The following LRRIQ1 variants were observed in gnomAD, a reference collection of about 807,000 sequenced individuals.
LRRIQ1 encodes leucine-rich repeat- and IQ domain-containing protein 1.
In LRRIQ1, 210 loss-of-function variants were observed where a neutral mutation model predicts 211.9. The observed-to-expected ratio is 0.99, with a 90% CI of 0.89 to 1.11. LRRIQ1 has a LOEUF of 1.11. Among genes scored for constraint, LRRIQ1 ranks in the 50% most tolerant of loss-of-function variants. The pLI is 0.00. For missense variants in LRRIQ1, 2,136 were observed against 1,939.5 expected (o/e 1.10, Z -1.90); for synonymous variants, 699 against 650.1 (o/e 1.08, Z -1.14).
downstream of LRRIQ1, among the ~76,000 whole-genome samples, chr12:85,267,795 ATG>A (rs1896454689): frequency 6.6e-6 from 1 of 152,084 alleles, no homozygotes; most frequent in South Asian, 2.1e-4. Flanking sequence ...TGTGAGACAT[ATG>A]GAAGAAAGTT....
At chr12:85,042,551 AAATTT>A (rs1014375434) in intron 3 of LRRIQ1, among the ~76,000 whole-genome samples, 4 of 149,296 alleles carry the variant, frequency 2.7e-5, no homozygotes, top group Admixed American at 2.0e-4. Flanking sequence ...GAATTTATTG[AAATTT>A]AATTTAAATT....
intron 24 of LRRIQ1, among the ~76,000 whole-genome samples, chr12:85,192,573 A>T (rs12811786): frequency 2.0e-5 from 2 of 97,634 alleles, no homozygotes; most frequent in Non-Finnish European, 3.8e-5. Flanking sequence ...ATTATATATA[A>T]ATATATAGTT....
At chr12:85,202,981 T>C (rs1893371972) in intron 24 of LRRIQ1, among the ~76,000 whole-genome samples, 1 of 152,114 alleles carries the variant, frequency 6.6e-6, no homozygotes, top group Non-Finnish European at 1.5e-5. Context: ...GTTCTGGTGG[T>C]AGGAATTTGA....
chr12:85,191,282 A>G (rs969631893), intron 24 of LRRIQ1, among the ~76,000 whole-genome samples: 1 of 151,928 alleles, frequency 6.6e-6, no homozygotes, highest in Non-Finnish European at 1.5e-5. Context: ...CATACAAAAT[A>G]GTTTCTCTGT....
At chr12:85,142,940 A>G (rs1397107630) in intron 19 of LRRIQ1, among the ~76,000 whole-genome samples, 1 of 151,546 alleles carries the variant, frequency 6.6e-6, no homozygotes, top group Admixed American at 6.6e-5. Context: ...TATCTCTTCA[A>G]CATACTGATT....
intron 24 of LRRIQ1, among the ~76,000 whole-genome samples, chr12:85,197,634 C>T (rs1231152258): frequency 1.3e-5 from 2 of 151,220 alleles, no homozygotes; most frequent in African/African-American, 2.4e-5. Flanking sequence ...ACAATGAGAT[C>T]ACATGGACAC....
chr12:85,193,190 A>G (rs1361010846), intron 24 of LRRIQ1, among the ~76,000 whole-genome samples: 1 of 130,328 alleles, frequency 7.7e-6, no homozygotes, highest in African/African-American at 2.9e-5. Flanking sequence ...CCAAATCTAC[A>G]TCTGATTGGT....
In LRRIQ1 at chr12:85,124,121, A is replaced by T; in HGVS notation, c.3609A>T (p.Lys1203Asn). 4 of 1,614,062 alleles carry T rather than the reference A, an allele frequency of 2.5e-6. No homozygotes were observed. Among genetic ancestry groups the T allele is most frequent in the Non-Finnish European group, 3.4e-6 (4 of 1,179,948 alleles). The part of the protein sequence containing the change: ...TAENLCHYFK[K>N]LMILSTEYRH... ...AAAATCTCTGTCATTATTTTAAGAAATTGATGATACTTAGTACTGAATACC... is the reference window on the plus strand; with the variant it reads ...AAAATCTCTGTCATTATTTTAAGAATTTGATGATACTTAGTACTGAATACC... Residue 1203 changes from lysine to asparagine, a missense_variant, in exon 17 of 27, where the codon AAA becomes AAT. Lys to Asn is a moderately conservative substitution (Grantham distance 94). Coordinates refer to ENST00000393217, the MANE Select transcript of LRRIQ1 (RefSeq NM_001079910.2).
chr12:85,106,195 A>G (rs1212320085), intron 14 of LRRIQ1, among the ~76,000 whole-genome samples: 2 of 152,162 alleles, frequency 1.3e-5, no homozygotes, highest in African/African-American at 4.8e-5. Context: ...ACTTCTTCAG[A>G]TTTTGTGCTT....
intron 26 of LRRIQ1, among the ~76,000 whole-genome samples, chr12:85,240,013 A>C (rs80153352): frequency 0.02 from 2,969 of 152,182 alleles, 96 homozygotes; most frequent in African/African-American, 0.068. Flanking sequence ...AAATAAAAAT[A>C]AAACCTATTG....
chr12:85,241,805 ATAC>A (rs921721728), intron 26 of LRRIQ1, among the ~76,000 whole-genome samples: 6 of 151,992 alleles, frequency 3.9e-5, no homozygotes. Context: ...CAAAAAGACA[ATAC>A]TTTTAAAATT....
chr12:85,227,180 C>A (rs1440958776), intron 24 of LRRIQ1, among the ~76,000 whole-genome samples: 2 of 152,152 alleles, frequency 1.3e-5, no homozygotes, highest in Non-Finnish European at 2.9e-5. Context: ...GTTCCTATTT[C>A]TTCACATCCT....
intron 18 of LRRIQ1, among the ~76,000 whole-genome samples, chr12:85,136,164 G>A (rs1889115496): frequency 1.4e-5 from 2 of 143,092 alleles, no homozygotes; most frequent in Admixed American, 7.1e-5. Flanking sequence ...CAACCTGCGT[G>A]TACTTGTGTA....
downstream of LRRIQ1, among the ~76,000 whole-genome samples, chr12:85,249,910 A>G (rs1211886930): frequency 6.6e-6 from 1 of 151,926 alleles, no homozygotes; most frequent in East Asian, 1.9e-4. Flanking sequence ...TATATCAGGG[A>G]GGAAAATCTC....
intron 11 of LRRIQ1, among the ~76,000 whole-genome samples, chr12:85,085,383 A>G (rs1390155973): frequency 6.6e-6 from 1 of 152,200 alleles, no homozygotes; most frequent in Non-Finnish European, 1.5e-5. Context: ...GGGATCTGCC[A>G]CTTGGGTCTC....
intron 10 of LRRIQ1, among the ~76,000 whole-genome samples, chr12:85,067,942 A>G (rs1353567152): frequency 6.6e-6 from 1 of 151,862 alleles, no homozygotes; most frequent in African/African-American, 2.4e-5. Flanking sequence ...TTTACCTCTT[A>G]TCACCCAACT....
intron 10 of LRRIQ1, 73 bp downstream of exon 10, chr12:85,066,971 A>G (rs565828410): frequency 4.7e-4 from 371 of 796,446 alleles, no homozygotes; most frequent in Non-Finnish European, 6.3e-4. Flanking sequence ...ATTCCTTTTT[A>G]GGAGTAGGCC....
At chr12:85,176,903 A>G (rs1891735946) in intron 24 of LRRIQ1, among the ~76,000 whole-genome samples, 1 of 152,094 alleles carries the variant, frequency 6.6e-6, no homozygotes, top group Non-Finnish European at 1.5e-5. Context: ...TTTGTTTTGG[A>G]TGAGTCTTAC....
intron 12 of LRRIQ1, 30 bp downstream of exon 12, chr12:85,098,578 G>C: frequency 6.6e-7 from 1 of 1,518,958 alleles, no homozygotes; most frequent in Non-Finnish European, 9.0e-7. Flanking sequence ...TGATTTCTGT[G>C]ATAAAGCAAC....
Sources: gnomAD v4.1 joint callset for allele counts (sites outside exome capture counted in the v4.1 genomes callset) on GRCh38, gnomAD v4.1.1 for gene constraint, MANE v1.5 for transcripts, NCBI Gene and HGNC (gene_info 2026-07-23, HGNC 2026-07-21) for gene names.